Variants in CLK2 observed in about 807,000 individuals in gnomAD.
CLK2 encodes the protein CDC like kinase 2, also known as dual specificity protein kinase CLK2.
A neutral mutation model predicts 73.5 loss-of-function variants in CLK2; 12 were observed. That is an observed-to-expected ratio of 0.16 (90% CI 0.10 to 0.26). The LOEUF is 0.26. Among genes scored for constraint, CLK2 ranks in the 10% least tolerant of loss-of-function variants. CLK2 has a pLI of 1.00. For synonymous variants in CLK2, 232 were observed against 237.9 expected (o/e 0.98, Z 0.23); for missense variants, 509 against 688.4 (o/e 0.74, Z 2.92).
In CLK2 at chr1:155,270,982, A is replaced by G. The variant is rs1460298242; in HGVS notation, c.1-5T>C. 6.2e-7 allele frequency: 1 copy of G among 1,603,980 alleles called. No homozygotes were observed. Among genetic ancestry groups the G allele is most frequent in the African/African-American group, 1.3e-5 (1 of 74,744 alleles). On this transcript the variant is annotated splice_region_variant and splice_polypyrimidine_tract_variant and intron_variant, in intron 1 of 12. Coordinates refer to ENST00000368361, the MANE Select transcript of CLK2 (RefSeq NM_001294338.2). The stretch of plus-strand genomic sequence containing the variant: ...GTACCTTCGAGGATGCGGCATCTGG[A>G]AGGCAAGGGAAAGCGGAAATAGGAA...
chr1:155,268,088 A>G lies in CLK2; in HGVS notation c.593T>C (p.Val198Ala). 1 of 1,614,054 alleles carries G rather than the reference A, an allele frequency of 6.2e-7. No homozygotes were observed. The highest frequency in any genetic ancestry group is 1.3e-5 in the African/African-American group (1 of 74,984). Residue 198 changes from valine (V) to alanine (A), a missense_variant, in exon 6 of 13, where the codon GTG (valine) becomes GCG (alanine). By Grantham distance (64) the Val-to-Ala change is moderately conservative. This residue lies in a region of CLK2 where 76 missense variants were observed against 126.4 expected (regional missense o/e 0.60). Transcript: ENST00000368361. The surrounding 1 kb of genome is among the most constrained non-coding windows in gnomAD (Gnocchi z 5.6). ...ARVALKIIKN[V>A]EKYKEAARLE... ...TCGAGCTGCTTCCTTGTACTTCTCCACATTCTTAATGATCTTCAGGGCAAC... is the reference window on the plus strand; with the variant it reads ...TCGAGCTGCTTCCTTGTACTTCTCCGCATTCTTAATGATCTTCAGGGCAAC...
chr1:155,271,621 G>A (rs1471295388), intron 1 of CLK2, among the ~76,000 whole-genome samples: 2 of 152,198 alleles, frequency 1.3e-5, no homozygotes, highest in East Asian at 1.9e-4. Context: ...TATGACGACC[G>A]ATGGAGACTG....
Position 155,265,853 on chromosome 1 carries a change from A to C in CLK2, c.933+7T>G. 1 of 1,589,544 alleles carries C rather than the reference A, an allele frequency of 6.3e-7. No individual in the cohort carries two copies. Among genetic ancestry groups the C allele is most frequent in the Non-Finnish European group, 8.6e-7 (1 of 1,157,570 alleles). ...CAGTAACCAAGGGCAGACCCTATCC[A>C]TCTTACCTTCTCTAGGTTGTAGGTG... On this transcript the variant is annotated splice_region_variant and intron_variant, in intron 8 of 12. Transcript: ENST00000368361.
At position 155,268,379 on chromosome 1, in the gene CLK2, G is replaced by A. The variant is rs751293541; in HGVS notation, c.488-20C>T. The A allele has an allele frequency of 8.1e-5, 130 of 1,611,224 alleles. No homozygotes were observed. Among genetic ancestry groups the A allele is most frequent in the Non-Finnish European group, 1.0e-4 (123 of 1,177,526 alleles). ...TTTCATCTGAAATGAAAGAGAGCAG[G>A]GTCGGGGAGAGGGAGGGAGAGAAGG... On this transcript the variant is annotated intron_variant, in intron 4 of 12. Coordinates refer to ENST00000368361, the MANE Select transcript of CLK2 (RefSeq NM_001294338.2). This position sits in a 1 kb window ranked among gnomAD's most constrained non-coding sequence, Gnocchi z 5.6.
Position 155,268,387 on chromosome 1 carries a change from A to C in CLK2, c.488-28T>G. 1 of 1,595,752 alleles carries C rather than the reference A, an allele frequency of 6.3e-7. No homozygotes were observed. The highest frequency in any genetic ancestry group is 1.7e-5 in the Admixed American group (1 of 59,910). ...GAAATGAAAGAGAGCAGGGTCGGGG[A>C]GAGGGAGGGAGAGAAGGTGGGGAAT... is the stretch of plus-strand genomic sequence containing the variant. On this transcript the variant is annotated intron_variant, in intron 4 of 12. Coordinates refer to ENST00000368361, the MANE Select transcript of CLK2 (RefSeq NM_001294338.2). The surrounding 1 kb of genome is among the most constrained non-coding windows in gnomAD (Gnocchi z 5.6).
At position 155,268,798 on chromosome 1, in the gene CLK2, G is replaced by T. The variant is rs1398255659; in HGVS notation, c.400-3C>A. ...TTGGCTCTCCGGCTGCTGTGCTGCTGTCGGGGGGCAGGGGGGGTCGGAGCA... is the reference window on the plus strand; with the variant it reads ...TTGGCTCTCCGGCTGCTGTGCTGCTTTCGGGGGGCAGGGGGGGTCGGAGCA... On this transcript the variant is annotated splice_polypyrimidine_tract_variant and splice_region_variant and intron_variant, in intron 3 of 12. Transcript: ENST00000368361. This position sits in a 1 kb window ranked among gnomAD's most constrained non-coding sequence, Gnocchi z 5.6. 1.2e-6 allele frequency: 2 copies of T among 1,610,852 alleles called. No homozygotes were observed. Among genetic ancestry groups the T allele is most frequent in the South Asian group, 2.2e-5 (2 of 90,986 alleles).
At position 155,268,897 on chromosome 1, in the gene CLK2, C is replaced by T; in HGVS notation, c.400-102G>A. 1 of 707,368 alleles carries T rather than the reference C, an allele frequency of 1.4e-6. No individual in the cohort carries two copies. The highest frequency in any genetic ancestry group is 2.5e-6 in the Non-Finnish European group (1 of 394,902). The allele number at this position is 707,368 out of a possible 1,614,324, so 43.8% of individuals were successfully genotyped here. A position where few individuals can be genotyped will look rare whatever the true frequency, so the allele number is the denominator to read the frequency against. On this transcript the variant is annotated intron_variant, in intron 3 of 12. Transcript: ENST00000368361. This position sits in a 1 kb window ranked among gnomAD's most constrained non-coding sequence, Gnocchi z 5.6. Reference sequence around the variant, plus strand: ...GGGGTCACCGGTCACAGGCGCCCAGCCAGGGGGGACAGACGATGATGGGGG... The same window carrying T: ...GGGGTCACCGGTCACAGGCGCCCAGTCAGGGGGGACAGACGATGATGGGGG...
At chr1:155,272,699 C>T (rs1673568089) in intron 1 of CLK2, among the ~76,000 whole-genome samples, 1 of 152,174 alleles carries the variant, frequency 6.6e-6, no homozygotes, top group Non-Finnish European at 1.5e-5. Flanking sequence ...TTATCCTAAT[C>T]AGCATAGCCA....
chr1:155,262,931 TG>T lies in CLK2; in HGVS notation c.*286del. ...ACTGTACAAAATTCCTTATAAAACA[TG>T]GGGTAGATGCCACCTGGTTACCTCA... On this transcript the variant is annotated 3_prime_UTR_variant, in exon 13 of 13. Coordinates refer to ENST00000368361, the MANE Select transcript of CLK2 (RefSeq NM_001294338.2). 2.8e-6 allele frequency: 1 copy of T among 359,470 alleles called. No individual in the cohort carries two copies. Among genetic ancestry groups the T allele is most frequent in the Non-Finnish European group, 5.0e-6 (1 of 199,674 alleles). 22.3% of individuals were successfully genotyped at this position (359,470 alleles called of 1,614,324 possible). A position where few individuals can be genotyped will look rare whatever the true frequency, so the allele number is the denominator to read the frequency against.
rs1317694393 is a variant in CLK2 at position 155,268,013 on chromosome 1, T to C, written c.668A>G (p.Lys223Arg). 1.6e-5 allele frequency: 26 copies of C among 1,611,148 alleles called. No homozygotes were observed. Among genetic ancestry groups the C allele is most frequent in the Non-Finnish European group, 2.2e-5 (26 of 1,177,494 alleles). ...EKINEKDPDN[K>R]NLCVQMFDWF... ...ACATACTTCCTTGCTTGCTTACTTC[T>C]TGTTGTCAGGGTCTTTCTCATTGAT... The change falls in exon 6 of 13, where the codon AAG becomes AGG. Residue 223 changes from lysine to arginine, a missense_variant. Lys to Arg is a conservative substitution (Grantham distance 26). Coordinates refer to ENST00000368361, the MANE Select transcript of CLK2 (RefSeq NM_001294338.2). The surrounding 1 kb of genome is among the most constrained non-coding windows in gnomAD (Gnocchi z 5.6).
chr1:155,263,962 G>A lies in CLK2; in HGVS notation c.1305C>T (p.Cys435=). 1 of 1,614,018 alleles carries A rather than the reference G, an allele frequency of 6.2e-7. No individual in the cohort carries two copies. Among genetic ancestry groups the A allele is most frequent in the Non-Finnish European group, 8.5e-7 (1 of 1,179,916 alleles). ...TSAGRYVREN[C]KPLRRYLTSE... is the part of the protein sequence containing the mutation. The stretch of plus-strand genomic sequence containing the variant: ...GAGCCCAGCTCACCCGCAGCGGTTT[G>A]CAGTTCTCACGAACATAGCGCCCAG... The change falls in exon 12 of 13, where the codon TGC becomes TGT. Residue 435 remains cysteine (C), a synonymous_variant. Transcript: ENST00000368361.
rs1673323634 is a variant in CLK2, at chr1:155,268,212, C to T, written c.554+81G>A. ...CTGTAGGGGGACTAAGAAATTCTACCTCAGGTTAATTAGCAAAAAAGCCCC... is the reference window on the plus strand; with the variant it reads ...CTGTAGGGGGACTAAGAAATTCTACTTCAGGTTAATTAGCAAAAAAGCCCC... On this transcript the variant is annotated intron_variant, in intron 5 of 12. Transcript: ENST00000368361. The surrounding 1 kb of genome is among the most constrained non-coding windows in gnomAD (Gnocchi z 5.6). 2.6e-6 allele frequency: 4 copies of T among 1,559,564 alleles called. No individual in the cohort carries two copies. The South Asian group carries it at 3.3e-5, about 13-fold the overall frequency.
chr1:155,270,437 T>A (rs969267924), intron 2 of CLK2, among the ~76,000 whole-genome samples: 1 of 152,216 alleles, frequency 6.6e-6, no homozygotes, highest in Non-Finnish European at 1.5e-5. Context: ...AACTTTGTCT[T>A]ATCTGTTAGC....
Position 155,268,781 on chromosome 1 carries a change from C to T in CLK2, c.414G>A (p.Arg138=). 1 of 1,612,974 alleles carries T rather than the reference C, an allele frequency of 6.2e-7. No individual in the cohort carries two copies. Among genetic ancestry groups the T allele is most frequent in the East Asian group, 2.2e-5 (1 of 44,824 alleles). ...FSRSSSQHSS[R]RAKSVEDDAE... ...CGTCGTCCTCTACACTCTTGGCTCT[C>T]CGGCTGCTGTGCTGCTGTCGGGGGG... is the stretch of plus-strand genomic sequence containing the variant. Residue 138 remains arginine (R), a synonymous_variant, in exon 4 of 13, where the codon CGG becomes CGA. Transcript: ENST00000368361. The surrounding 1 kb of genome is among the most constrained non-coding windows in gnomAD (Gnocchi z 5.6).
intron 1 of CLK2, among the ~76,000 whole-genome samples, 165 bp from the exon 2 acceptor site, chr1:155,271,142 A>T (rs1673484872): frequency 6.6e-6 from 1 of 152,064 alleles, no homozygotes; most frequent in Non-Finnish European, 1.5e-5. Flanking sequence ...ATTCCTCCTT[A>T]TTGGAGTACA....
chr1:155,268,844 G>C lies in CLK2; in HGVS notation c.400-49C>G. The C allele has an allele frequency of 9.9e-7, 1 of 1,012,072 alleles. No homozygotes were observed. Among genetic ancestry groups the C allele is most frequent in the African/African-American group, 1.6e-5 (1 of 61,928 alleles). 62.7% of individuals were successfully genotyped at this position (1,012,072 alleles called of 1,614,324 possible). A position where few individuals can be genotyped will look rare whatever the true frequency, so the allele number is the denominator to read the frequency against. On this transcript the variant is annotated intron_variant, in intron 3 of 12. Coordinates refer to ENST00000368361, the MANE Select transcript of CLK2 (RefSeq NM_001294338.2). This position sits in a 1 kb window ranked among gnomAD's most constrained non-coding sequence, Gnocchi z 5.6. ...GAGCAAGCCAGGTGTCGGAGCGGGGGCCGGAGGGAGGCGGGGTGGGTGGTA... is the reference window on the plus strand; with the variant it reads ...GAGCAAGCCAGGTGTCGGAGCGGGGCCCGGAGGGAGGCGGGGTGGGTGGTA...
intron 12 of CLK2, 169 bp from the exon 13 acceptor site, chr1:155,263,569 C>G (rs1461771464): frequency 1.0e-6 from 1 of 985,296 alleles, no homozygotes; most frequent in African/African-American, 1.7e-5. Context: ...ATAGCTCAAC[C>G]TACCTTCCCA....
At chr1:155,266,982 T>C in intron 6 of CLK2, 87 bp from the exon 7 acceptor site, 1 of 1,441,800 alleles carries the variant, frequency 6.9e-7, no homozygotes, top group Non-Finnish European at 9.5e-7. Context: ...TTCATAGCTG[T>C]TGATTCCACA....
rs1673361287 is a variant in CLK2 at position 155,268,972 on chromosome 1, G to C, written c.400-177C>G. 2 of 623,474 alleles carry C rather than the reference G, an allele frequency of 3.2e-6. No individual in the cohort carries two copies. The highest frequency in any genetic ancestry group is 2.9e-6 in the Non-Finnish European group (1 of 346,452). The allele number at this position is 623,474 out of a possible 1,614,324, so 38.6% of individuals were successfully genotyped here. A position where few individuals can be genotyped will look rare whatever the true frequency, so the allele number is the denominator to read the frequency against. Reference sequence around the variant, plus strand: ...GCAGTAAGGTGGATCGGTGTGAGAAGAGAGAGCGGCGCATAATCCCAAGTC... The same window carrying C: ...GCAGTAAGGTGGATCGGTGTGAGAACAGAGAGCGGCGCATAATCCCAAGTC... On this transcript the variant is annotated intron_variant, in intron 3 of 12. Coordinates refer to ENST00000368361, the MANE Select transcript of CLK2 (RefSeq NM_001294338.2). This position sits in a 1 kb window ranked among gnomAD's most constrained non-coding sequence, Gnocchi z 5.6.
Sources: allele counts gnomAD v4.1 joint callset (sites outside exome capture counted in the v4.1 genomes callset), GRCh38; gene constraint gnomAD v4.1.1; regional missense constraint gnomAD v4.1.1; non-coding constraint Gnocchi (gnomAD v3.1); transcripts MANE v1.5; gene names NCBI Gene and HGNC (gene_info 2026-07-23, HGNC 2026-07-21).